The following CYP3A43 variants were observed in gnomAD, a reference collection of about 807,000 sequenced individuals.
The protein encoded by CYP3A43 is cytochrome P450 family 3 subfamily A member 43, also known as cytochrome P450 3A43.
In CYP3A43, 45 loss-of-function variants were observed where a neutral mutation model predicts 58.0. That is an observed-to-expected ratio of 0.78 (90% CI 0.61 to 0.99). The LOEUF (loss-of-function observed/expected upper bound fraction) is 0.99, where lower values mean the gene tolerates loss of function less well. Ranked by LOEUF, CYP3A43 falls within the 50% of genes least tolerant of loss-of-function variation. CYP3A43 has a pLI of 0.00. For synonymous variants in CYP3A43, 191 were observed against 201.4 expected (o/e 0.95, Z 0.44); for missense variants, 593 against 591.9 (o/e 1.00, Z -0.02).
intron 11 of CYP3A43, among the ~76,000 whole-genome samples, chr7:99,862,651 G>T (rs1818282132): frequency 6.6e-6 from 1 of 152,196 alleles, no homozygotes. Context: ...TCCCATTTTG[G>T]AAAGGAAAAT....
At chr7:99,856,710 C>A in intron 8 of CYP3A43, 123 bp from the exon 9 acceptor site, 1 of 932,428 alleles carries the variant, frequency 1.1e-6, no homozygotes, top group Non-Finnish European at 1.7e-6. Context: ...CAGGCAACAC[C>A]CATTACACTT....
At position 99,856,862 on chromosome 7, in the gene CYP3A43, C is replaced by G. The variant is rs772986644; in HGVS notation, c.828C>G (p.Ile276Met). ...GAGTAGATTTCTTTCAACAGATGAT[C>G]GACTCCCAGAATTCCAAAGAAACAA... Reference protein sequence around the residue: ...KHRVDFFQQMIDSQNSKETKS... With the variant: ...KHRVDFFQQMMDSQNSKETKS... Residue 276 changes from isoleucine to methionine, a missense_variant, in exon 9 of 13, where the codon ATC (isoleucine) becomes ATG (methionine). Physicochemically the swap from Ile to Met is conservative, Grantham distance 10 (BLOSUM62 1). Coordinates refer to ENST00000354829, the MANE Select transcript of CYP3A43 (RefSeq NM_057095.3). 1 of 1,613,786 alleles carries G rather than the reference C, an allele frequency of 6.2e-7. No homozygotes were observed. Among genetic ancestry groups the G allele is most frequent in the Admixed American group, 1.7e-5 (1 of 59,962 alleles).
At position 99,865,091 on chromosome 7, in the gene CYP3A43, G is replaced by A. The variant is rs188007836; in HGVS notation, c.1417-815G>A. 1.7e-4 allele frequency among the ~76,000 whole-genome samples: 25 copies of A among 148,560 alleles called. 4 individuals are homozygous for A. The highest frequency in any genetic ancestry group is 6.3e-4 in the African/African-American group (24 of 38,052). On this transcript the variant is annotated intron_variant, in intron 12 of 12. Coordinates refer to ENST00000354829, the MANE Select transcript of CYP3A43 (RefSeq NM_057095.3). ...AGCTGTACATCCATCCTCTAAGTGT[G>A]TACAGACAGGGGCTCAACTCTGAAT... is the stretch of plus-strand genomic sequence containing the variant.
At chr7:99,836,636 A>ATT in intron 2 of CYP3A43, 90 bp downstream of exon 2, 1 of 942,428 alleles carries the variant, frequency 1.1e-6, no homozygotes, top group Non-Finnish European at 1.6e-6. Context: ...CTCAGGAGGA[A>ATT]TTTCCAATGT....
At chr7:99,829,570 A>T (rs1281095391) in intron 1 of CYP3A43, among the ~76,000 whole-genome samples, 1 of 152,218 alleles carries the variant, frequency 6.6e-6, no homozygotes, top group Non-Finnish European at 1.5e-5. Flanking sequence ...ATAGGAGAGA[A>T]AAAAAATCTG....
chr7:99,830,966 T>C (rs1202719342), intron 1 of CYP3A43, among the ~76,000 whole-genome samples: 3 of 152,244 alleles, frequency 2.0e-5, no homozygotes, highest in Non-Finnish European at 2.9e-5. Context: ...TTCCAATTTC[T>C]GTTACTAAGA....
chr7:99,843,992 C>T, intron 3 of CYP3A43, 151 bp from the exon 4 acceptor site: 1 of 602,606 alleles, frequency 1.7e-6, no homozygotes, highest in Non-Finnish European at 2.9e-6. Context: ...GTGTCATACC[C>T]TAATTGACCT....
chr7:99,849,448 C>T (rs1817662013), intron 6 of CYP3A43, 98 bp from the exon 7 acceptor site: 1 of 1,403,972 alleles, frequency 7.1e-7, no homozygotes, highest in Non-Finnish European at 9.5e-7. Flanking sequence ...TGTGGGTTTT[C>T]ACCTGTCTTG....
rs752555391 is a variant in CYP3A43, at chr7:99,861,847, GC to G, written c.1253+12del. On this transcript the variant is annotated intron_variant, in intron 11 of 12. Coordinates refer to ENST00000354829, the MANE Select transcript of CYP3A43 (RefSeq NM_057095.3). ...GAAGTTCTGCCCTGAAAGGTACAAG[GC>G]CCCTGGGAAAGGAGCCTTCCCTCAA... The G allele has an allele frequency of 2.5e-5, 40 of 1,600,666 alleles. No individual in the cohort carries two copies. The highest frequency in any genetic ancestry group is 3.2e-5 in the Non-Finnish European group (38 of 1,169,606).
intron 3 of CYP3A43, among the ~76,000 whole-genome samples, chr7:99,843,675 A>G (rs1817429409): frequency 6.6e-6 from 1 of 152,084 alleles, no homozygotes; most frequent in Non-Finnish European, 1.5e-5. Context: ...CATGTTGGCC[A>G]GGCTTGTCTC....
At chr7:99,848,551 T>C (rs1817626414) in intron 6 of CYP3A43, among the ~76,000 whole-genome samples, 1 of 152,138 alleles carries the variant, frequency 6.6e-6, no homozygotes, top group African/African-American at 2.4e-5. Flanking sequence ...AAAACCTGAT[T>C]GTACTAAAGT....
In CYP3A43 at chr7:99,863,516, T is replaced by TA. The variant is rs757926628; in HGVS notation, c.1254-20dup. 3 of 1,563,476 alleles carry TA rather than the reference T, an allele frequency of 1.9e-6. No individual in the cohort carries two copies. The African/African-American group carries it at 4.1e-5, about 21-fold the overall frequency. On this transcript the variant is annotated intron_variant, in intron 11 of 12. Coordinates refer to ENST00000354829, the MANE Select transcript of CYP3A43 (RefSeq NM_057095.3). ...TTTTTATGTTTCATTAACTAGTTTT[T>TA]ATGTACTACTGTGAAAGTAGGTTCA...
chr7:99,842,601 T>C lies in CYP3A43; in HGVS notation c.219-1542T>C, dbSNP rs555604398. On this transcript the variant is annotated intron_variant, in intron 3 of 12. Coordinates refer to ENST00000354829, the MANE Select transcript of CYP3A43 (RefSeq NM_057095.3). ...CGTAATAAAACATACTGTGGTCCTT[T>C]ATGAAAAAAAAAGTTATCTTGACTA... Among the ~76,000 whole-genome samples, 49 of 152,206 alleles carry C rather than the reference T, an allele frequency of 3.2e-4. No homozygotes were observed. The South Asian group carries it at 1.0e-2, about 31-fold the overall frequency.
chr7:99,830,832 T>C (rs1203833903), intron 1 of CYP3A43, among the ~76,000 whole-genome samples: 1 of 152,274 alleles, frequency 6.6e-6, no homozygotes, highest in African/African-American at 2.4e-5. Context: ...ATTGATCTAC[T>C]GTTAGTTCAT....
At chr7:99,830,379 G>A (rs902854649) in intron 1 of CYP3A43, among the ~76,000 whole-genome samples, 1 of 152,160 alleles carries the variant, frequency 6.6e-6, no homozygotes, top group Non-Finnish European at 1.5e-5. Flanking sequence ...TTAGCTGGGT[G>A]TGGTGGCAGG....
chr7:99,848,169 G>A lies in CYP3A43; in HGVS notation c.436G>A (p.Val146Ile). The A allele has an allele frequency of 6.2e-7, 1 of 1,614,084 alleles. No individual in the cohort carries two copies. Among genetic ancestry groups the A allele is most frequent in the Non-Finnish European group, 8.5e-7 (1 of 1,179,966 alleles). Residue 146 changes from valine (V) to isoleucine (I), a missense_variant, in exon 6 of 13, where the codon GTC becomes ATC. Physicochemically the swap from Val to Ile is conservative, Grantham distance 29. Coordinates refer to ENST00000354829, the MANE Select transcript of CYP3A43 (RefSeq NM_057095.3). ...AFTSVKFKEMVPIISQCGDML... is the reference protein window; with the variant it reads ...AFTSVKFKEMIPIISQCGDML... Reference sequence around the variant, plus strand: ...TATGGGTGGTGTTGTGTTTTAGATGGTCCCCATCATTTCCCAATGTGGAGA... The same window carrying A: ...TATGGGTGGTGTTGTGTTTTAGATGATCCCCATCATTTCCCAATGTGGAGA...
chr7:99,847,815 C>T lies in CYP3A43; in HGVS notation c.432+214C>T, dbSNP rs1817594025. ...TCACCTGAGGTTAGGAGATTGAGAC[C>T]AGCCTGGCCAACATGGTGAAACCCC... On this transcript the variant is annotated intron_variant, in intron 5 of 12. Coordinates refer to ENST00000354829, the MANE Select transcript of CYP3A43 (RefSeq NM_057095.3). The T allele has an allele frequency of 4.8e-6, 3 of 627,566 alleles. No homozygotes were observed. In the South Asian group the frequency reaches 5.2e-5, roughly 11 times the overall value. The allele number at this position is 627,566 out of a possible 1,614,324, so 38.9% of individuals were successfully genotyped here.
intron 1 of CYP3A43, among the ~76,000 whole-genome samples, chr7:99,833,968 A>G (rs1816957717): frequency 6.6e-6 from 1 of 152,212 alleles, no homozygotes; most frequent in African/African-American, 2.4e-5. Context: ...TCCAGGGACC[A>G]CCTGGACCAA....
At chr7:99,834,741 T>C (rs1816996332) in intron 1 of CYP3A43, among the ~76,000 whole-genome samples, 1 of 152,248 alleles carries the variant, frequency 6.6e-6, no homozygotes, top group Non-Finnish European at 1.5e-5. Context: ...TTGTTTCTCC[T>C]ACTGCCCCTG....
Sources: gnomAD v4.1 joint callset for allele counts (sites outside exome capture counted in the v4.1 genomes callset) on GRCh38, gnomAD v4.1.1 for gene constraint, MANE v1.5 for transcripts, NCBI Gene and HGNC (gene_info 2026-07-23, HGNC 2026-07-21) for gene names.